DAB2IP: variants seen among roughly 807,000 people sequenced by gnomAD.
DAB2IP encodes disabled homolog 2-interacting protein.
DAB2IP carries 28 observed loss-of-function variants against 107.2 expected under a neutral mutation model. The ratio of observed to expected loss-of-function variants is 0.26; its 90% CI spans 0.19 to 0.36. The LOEUF (loss-of-function observed/expected upper bound fraction) is 0.36, where lower values mean the gene tolerates loss of function less well. Among genes scored for constraint, DAB2IP ranks in the 10% least tolerant of loss-of-function variants. DAB2IP has a pLI of 1.00. For missense variants in DAB2IP, 1,400 were observed against 1,644.7 expected (o/e 0.85, Z 2.57); for synonymous variants, 755 against 706.4 (o/e 1.07, Z -1.09).
intron 1 of DAB2IP, among the ~76,000 whole-genome samples, chr9:121,639,896 C>G (rs958680343): frequency 1.4e-4 from 21 of 152,310 alleles, no homozygotes; most frequent in Admixed American, 9.8e-4. Flanking sequence ...AATGCAGACT[C>G]CTGGGCTGTT....
chr9:121,773,428 T>C (rs1432195476), exon 12 of DAB2IP: 2 of 1,557,484 alleles, frequency 1.3e-6, no homozygotes, highest in East Asian at 4.5e-5. Context: ...AGTACCCGCC[T>C]GAGGCAGCAG....
chr9:121,697,512 C>A (rs1829486788), intron 2 of DAB2IP, among the ~76,000 whole-genome samples: 1 of 152,194 alleles, frequency 6.6e-6, no homozygotes, highest in African/African-American at 2.4e-5. Context: ...TGCCATGTGT[C>A]CTGGAGAGCC....
Position 121,701,953 on chromosome 9 carries a change from A to G in DAB2IP, c.362+2495A>G, listed in dbSNP as rs537767935. ...GGCTGCCATGCCTCTGGCTGGGGAGAGGGTAAGTGCCAAGACGCTAGCCTC... is the reference window on the plus strand; with the variant it reads ...GGCTGCCATGCCTCTGGCTGGGGAGGGGGTAAGTGCCAAGACGCTAGCCTC... On this transcript the variant is annotated intron_variant, in intron 3 of 15. Transcript: ENST00000408936. This position sits in a 1 kb window ranked among gnomAD's most constrained non-coding sequence, Gnocchi z 4.7. 6.2e-4 allele frequency among the ~76,000 whole-genome samples: 94 copies of G among 151,924 alleles called. No individual in the cohort carries two copies. Among genetic ancestry groups the G allele is most frequent in the African/African-American group, 2.1e-3 (89 of 41,424 alleles).
chr9:121,732,397 C>A (rs556954848), intron 3 of DAB2IP, among the ~76,000 whole-genome samples: 1 of 152,280 alleles, frequency 6.6e-6, no homozygotes, highest in African/African-American at 2.4e-5. Context: ...CTCTGCCAGC[C>A]AAAGTCATCA....
Position 121,699,425 on chromosome 9 carries a change from G to C in DAB2IP, c.329G>C (p.Arg110Pro). ...TTCCGCCACATCCTGCCGGGGTTCC[G>C]GAGCGCCGCCGCCGCCGCCGCGGAC... is the stretch of plus-strand genomic sequence containing the variant. Residue 110 changes from arginine (R) to proline (P), a missense_variant, in exon 3 of 16, where the codon CGG (arginine) becomes CCG (proline). By Grantham distance (103) the Arg-to-Pro change is moderately radical. Transcript: ENST00000408936. This position sits in a 1 kb window ranked among gnomAD's most constrained non-coding sequence, Gnocchi z 6.2. 1 of 1,462,196 alleles carries C rather than the reference G, an allele frequency of 6.8e-7. No individual in the cohort carries two copies. The highest frequency in any genetic ancestry group is 1.3e-5 in the South Asian group (1 of 76,010). The allele number at this position is 1,462,196 out of a possible 1,614,324, so 90.6% of individuals were successfully genotyped here.
At chr9:121,710,456 G>A (rs974690330) in intron 3 of DAB2IP, among the ~76,000 whole-genome samples, 8 of 152,134 alleles carry the variant, frequency 5.3e-5, no homozygotes, top group Admixed American at 2.0e-4. Context: ...CCTCCTATTT[G>A]CAACTTATCA....
intron 3 of DAB2IP, among the ~76,000 whole-genome samples, chr9:121,714,006 T>C (rs1830465870): frequency 6.6e-6 from 1 of 152,210 alleles, no homozygotes; most frequent in Non-Finnish European, 1.5e-5. Context: ...GGCACCATGA[T>C]TGTGGTGCCT....
At chr9:121,612,573 C>T (rs1478072005) in intron 1 of DAB2IP, among the ~76,000 whole-genome samples, 1 of 152,174 alleles carries the variant, frequency 6.6e-6, no homozygotes, top group African/African-American at 2.4e-5. Context: ...TTGAAGCAGG[C>T]ATGCGGGGTA....
chr9:121,620,419 G>T (rs1831422202), intron 1 of DAB2IP, among the ~76,000 whole-genome samples: 1 of 152,310 alleles, frequency 6.6e-6, no homozygotes, highest in South Asian at 2.1e-4. Flanking sequence ...TCTGGAGTCT[G>T]AATGGGTTTA....
chr9:121,677,432 G>A (rs566862344), intron 1 of DAB2IP, among the ~76,000 whole-genome samples: 2 of 152,288 alleles, frequency 1.3e-5, no homozygotes, highest in African/African-American at 4.8e-5. Context: ...TGAGGCAGGA[G>A]GATTGCTCGA....
chr9:121,718,945 T>A (rs952108147), intron 3 of DAB2IP, among the ~76,000 whole-genome samples: 2 of 152,238 alleles, frequency 1.3e-5, no homozygotes, highest in Admixed American at 1.3e-4. Context: ...TCATTTTTTG[T>A]GCCTGATTTC....
At chr9:121,774,206 C>T in intron 12 of DAB2IP, 54 bp from the exon 13 acceptor site, 2 of 1,503,448 alleles carry the variant, frequency 1.3e-6, no homozygotes, top group East Asian at 2.6e-5. Context: ...ACTCCCGCCC[C>T]TCCTGCTTGC....
intron 3 of DAB2IP, among the ~76,000 whole-genome samples, chr9:121,727,461 G>T (rs1831295403): frequency 6.6e-6 from 1 of 152,248 alleles, no homozygotes; most frequent in African/African-American, 2.4e-5. Flanking sequence ...TGGCAGTGGG[G>T]GTGTGGCAAG....
chr9:121,686,235 G>A (rs572440538), intron 2 of DAB2IP, among the ~76,000 whole-genome samples: 72 of 152,302 alleles, frequency 4.7e-4, no homozygotes, highest in African/African-American at 1.7e-3. Context: ...GTAGGGGGAA[G>A]AGCCCACTTC....
intron 1 of DAB2IP, among the ~76,000 whole-genome samples, chr9:121,580,980 G>A (rs895577842): frequency 2.6e-5 from 4 of 152,180 alleles, no homozygotes; most frequent in Non-Finnish European, 5.9e-5. Context: ...ATCCAGGTGC[G>A]CAGGCCTGGA....
At position 121,684,686 on chromosome 9, in the gene DAB2IP, C is replaced by T. The variant is rs913745237; in HGVS notation, c.228+5905C>T. Among the ~76,000 whole-genome samples, 3 of 152,244 alleles carry T rather than the reference C, an allele frequency of 2.0e-5. No homozygotes were observed. Among genetic ancestry groups the T allele is most frequent in the Admixed American group, 6.5e-5 (1 of 15,288 alleles). On this transcript the variant is annotated intron_variant, in intron 2 of 15. Transcript: ENST00000408936. This position sits in a 1 kb window ranked among gnomAD's most constrained non-coding sequence, Gnocchi z 4.0. ...CTGCAGAGCCGGCCCCGCTGCCCCC[C>T]ATTTGTGCCCCTTCCAAGCTACGGA...
chr9:121,645,798 C>T (rs1174555835), intron 1 of DAB2IP, among the ~76,000 whole-genome samples: 1 of 152,146 alleles, frequency 6.6e-6, no homozygotes, highest in Non-Finnish European at 1.5e-5. Flanking sequence ...AGGCTGTCGA[C>T]GTGTACGAGG....
Position 121,599,572 on chromosome 9 carries a change from C to T in DAB2IP, c.40+32344C>T, listed in dbSNP as rs1589389218. 6.6e-6 allele frequency among the ~76,000 whole-genome samples: 1 copy of T among 151,946 alleles called. No individual in the cohort carries two copies. The highest frequency in any genetic ancestry group is 1.5e-5 in the Non-Finnish European group (1 of 67,926). On this transcript the variant is annotated intron_variant, in intron 1 of 16. Transcript: ENST00000259371. The surrounding 1 kb of genome is among the most constrained non-coding windows in gnomAD (Gnocchi z 6.9). Reference sequence around the variant, plus strand: ...GGCGCCGGGGGAGGCGCGGAGCCGGCCGTAGCGCGCTCCTGCCTGGCCAGC... The same window carrying T: ...GGCGCCGGGGGAGGCGCGGAGCCGGTCGTAGCGCGCTCCTGCCTGGCCAGC...
chr9:121,685,504 A>G (rs1273983711), intron 2 of DAB2IP, among the ~76,000 whole-genome samples: 1 of 152,146 alleles, frequency 6.6e-6, no homozygotes, highest in Non-Finnish European at 1.5e-5. Context: ...CATCAGCTCC[A>G]TTTTACAGTT....
Sources: allele counts gnomAD v4.1 joint callset (sites outside exome capture counted in the v4.1 genomes callset), GRCh38; gene constraint gnomAD v4.1.1; non-coding constraint Gnocchi (gnomAD v3.1); transcripts MANE v1.5; gene names NCBI Gene and HGNC (gene_info 2026-07-23, HGNC 2026-07-21).